CAPN2: variants seen among roughly 807,000 people sequenced by gnomAD.
CAPN2 encodes the protein calpain-2 catalytic subunit.
A neutral mutation model predicts 102.3 loss-of-function variants in CAPN2; 92 were observed. The ratio of observed to expected loss-of-function variants is 0.90; its 90% CI spans 0.76 to 1.07. The LOEUF (loss-of-function observed/expected upper bound fraction) is 1.07. CAPN2 is among the 50% of genes least tolerant of loss of function. The pLI, the probability that CAPN2 is intolerant of heterozygous loss-of-function variation, is 0.00. For missense variants in CAPN2, 800 were observed against 909.4 expected (o/e 0.88, Z 1.55); for synonymous variants, 340 against 355.4 (o/e 0.96, Z 0.49).
rs1297501639 is a variant in CAPN2, at chr1:223,725,656, A to G, written c.307+7825A>G. Among the ~76,000 whole-genome samples the G allele has an allele frequency of 6.6e-6, 1 of 152,162 alleles. No individual in the cohort carries two copies. Among genetic ancestry groups the G allele is most frequent in the East Asian group, 1.9e-4 (1 of 5,190 alleles). On this transcript the variant is annotated intron_variant, in intron 2 of 20. Transcript: ENST00000295006. This position sits in a 1 kb window ranked among gnomAD's most constrained non-coding sequence, Gnocchi z 4.1. ...GGCCACCTAAGTTTTGGAGAGGGGT[A>G]TGACAGAGGAGGTGGTGTCCCAGGG... is the stretch of plus-strand genomic sequence containing the variant.
chr1:223,733,099 C>T (rs1190402044), intron 2 of CAPN2, among the ~76,000 whole-genome samples: 1 of 152,152 alleles, frequency 6.6e-6, no homozygotes, highest in Admixed American at 6.5e-5. Context: ...CAGCACCAAC[C>T]TGCCCACACA....
chr1:223,765,797 G>A lies in CAPN2; in HGVS notation c.1691-570G>A, dbSNP rs28370145. Among the ~76,000 whole-genome samples, 340 of 152,266 alleles carry A rather than the reference G, an allele frequency of 2.2e-3. 8 individuals are homozygous for A. Among genetic ancestry groups the A allele is most frequent in the East Asian group, 0.013 (69 of 5,174 alleles). On this transcript the variant is annotated intron_variant, in intron 15 of 20. Transcript: ENST00000295006. Reference sequence around the variant, plus strand: ...ACATAACAAAAAGGCTGGGCTTTTCGTGAAGTCTGTGGGGAGCCAGGTTCA... The same window carrying A: ...ACATAACAAAAAGGCTGGGCTTTTCATGAAGTCTGTGGGGAGCCAGGTTCA...
At chr1:223,758,472 G>A (rs953170662) in intron 11 of CAPN2, 3 of 152,226 alleles carry the variant, frequency 2.0e-5, no homozygotes, top group African/African-American at 7.2e-5. Flanking sequence ...CCCCAGTCCT[G>A]TCTTTGCTTT....
chr1:223,755,620 A>G lies in CAPN2; in HGVS notation c.1276A>G (p.Met426Val). Residue 426 changes from methionine to valine, a missense_variant, in exon 10 of 21, where the codon ATG (methionine) becomes GTG (valine). Physicochemically the swap from Met to Val is conservative, Grantham distance 21. Coordinates refer to ENST00000295006, the MANE Select transcript of CAPN2 (RefSeq NM_001748.5). This position sits in a 1 kb window ranked among gnomAD's most constrained non-coding sequence, Gnocchi z 4.1. ...RRRQRKMGEDMHTIGFGIYEV... is the reference protein window; with the variant it reads ...RRRQRKMGEDVHTIGFGIYEV... ...GCGGCAGAGGAAGATGGGCGAGGAC[A>G]TGCACACCATCGGCTTTGGCATCTA... 6.2e-7 allele frequency: 1 copy of G among 1,607,770 alleles called. No homozygotes were observed. Among genetic ancestry groups the G allele is most frequent in the African/African-American group, 1.3e-5 (1 of 75,012 alleles).
rs1354119888 is a variant in CAPN2, at chr1:223,725,029, T to C, written c.307+7198T>C. Reference sequence around the variant, plus strand: ...CATCTGTAAATATCAGGGTAGCGAATGAGGACTTGGTGTCTGGCAGTTAGG... The same window carrying C: ...CATCTGTAAATATCAGGGTAGCGAACGAGGACTTGGTGTCTGGCAGTTAGG... On this transcript the variant is annotated intron_variant, in intron 2 of 20. Transcript: ENST00000295006. The surrounding 1 kb of genome is among the most constrained non-coding windows in gnomAD (Gnocchi z 4.1). 6.6e-6 allele frequency among the ~76,000 whole-genome samples: 1 copy of C among 152,206 alleles called. No homozygotes were observed. Among genetic ancestry groups the C allele is most frequent in the African/African-American group, 2.4e-5 (1 of 41,454 alleles).
In CAPN2 at chr1:223,759,382, TGCCGCCAGGAGAGTAC is replaced by T; in HGVS notation, c.1431_1446del (p.Pro478PhefsTer75). 1 of 1,614,216 alleles carries T rather than the reference TGCCGCCAGGAGAGTAC, an allele frequency of 6.2e-7. No individual in the cohort carries two copies. Among genetic ancestry groups the T allele is most frequent in the Non-Finnish European group, 8.5e-7 (1 of 1,180,034 alleles). On this transcript the variant is annotated frameshift_variant, in exon 12 of 21. Transcript: ENST00000295006. LOFTEE classifies it high-confidence loss of function. The surrounding 1 kb of genome is among the most constrained non-coding windows in gnomAD (Gnocchi z 4.6). ...CGGGAGGTGCTCAACCGCTTCAAGC[TGCCGCCAGGAGAGTAC>T]ATTCTCGTGCCTTCCACCTTCGAAC...
At chr1:223,749,249 T>C (rs952565489) in intron 6 of CAPN2, 127 bp downstream of exon 6, 1 of 761,696 alleles carries the variant, frequency 1.3e-6, no homozygotes, top group African/African-American at 1.8e-5. Context: ...GGCCCCGCAC[T>C]CCTGAAGTTC....
chr1:223,722,281 CTTTTTTT>C (rs34894876), intron 2 of CAPN2, among the ~76,000 whole-genome samples: 1 of 85,514 alleles, frequency 1.2e-5, no homozygotes, highest in Non-Finnish European at 2.2e-5. Context: ...TTCTTTCTTT[CTTTTTTT>C]TTTTTTTTTT....
intron 1 of CAPN2, among the ~76,000 whole-genome samples, chr1:223,704,281 ACT>A (rs1451735300): frequency 6.6e-6 from 1 of 152,084 alleles, no homozygotes; most frequent in Non-Finnish European, 1.5e-5. Context: ...ACAGAGCAAG[ACT>A]CTATCTCAAA....
chr1:223,712,101 C>T (rs1426811061), upstream of CAPN2, among the ~76,000 whole-genome samples: 1 of 152,218 alleles, frequency 6.6e-6, no homozygotes, highest in Admixed American at 6.5e-5. Context: ...GCGCCTTCTT[C>T]AGAGTCGCTG....
intron 2 of CAPN2, among the ~76,000 whole-genome samples, chr1:223,733,887 C>T (rs553401036): frequency 6.6e-6 from 1 of 152,330 alleles, no homozygotes; most frequent in East Asian, 1.9e-4. Flanking sequence ...CAGGAATGCT[C>T]ATCTGCCATA....
intron 2 of CAPN2, among the ~76,000 whole-genome samples, chr1:223,740,711 A>T (rs1319717451): frequency 6.6e-6 from 1 of 152,176 alleles, no homozygotes; most frequent in Non-Finnish European, 1.5e-5. Context: ...TGGCTAGCAG[A>T]TATTTAAGAA....
intron 2 of CAPN2, among the ~76,000 whole-genome samples, chr1:223,739,564 T>A (rs1187805475): frequency 6.6e-6 from 1 of 151,428 alleles, no homozygotes; most frequent in Non-Finnish European, 1.5e-5. Context: ...AAGGCAGGAG[T>A]TTTGCTTGTG....
intron 1 of CAPN2, among the ~76,000 whole-genome samples, chr1:223,714,055 G>GT (rs1659809128): frequency 6.6e-6 from 1 of 152,166 alleles, no homozygotes; most frequent in Admixed American, 6.5e-5. Context: ...TACCTGGAGT[G>GT]TGGCTCACTC....
At chr1:223,747,872 C>T (rs1260218173) in intron 5 of CAPN2, among the ~76,000 whole-genome samples, 3 of 152,164 alleles carry the variant, frequency 2.0e-5, no homozygotes, top group Admixed American at 1.3e-4. Flanking sequence ...CTGAGCACCC[C>T]AGTGTCTACC....
At position 223,747,092 on chromosome 1, in the gene CAPN2, A is replaced by G. The variant is rs147824152; in HGVS notation, c.656A>G (p.Lys219Arg). The G allele has an allele frequency of 1.7e-4, 275 of 1,614,090 alleles. No individual in the cohort carries two copies. The African/African-American group carries it at 3.4e-3, about 20-fold the overall frequency. The change falls in exon 5 of 21, where the codon AAG becomes AGG. Residue 219 changes from lysine to arginine, a missense_variant. Lys to Arg is a conservative substitution (Grantham distance 26). Coordinates refer to ENST00000295006, the MANE Select transcript of CAPN2 (RefSeq NM_001748.5). The part of the protein sequence containing the change: ...GGIAEWYELK[K>R]PPPNLFKIIQ... ...ATTGCTGAGTGGTATGAGTTGAAGA[A>G]GCCCCCTCCCAACCTGTTCAAGATC... is the stretch of plus-strand genomic sequence containing the variant.
chr1:223,702,083 G>GAAGGAAGGAAGAA (rs1571769977), intron 1 of CAPN2, among the ~76,000 whole-genome samples: 2 of 20,424 alleles, frequency 9.8e-5, no homozygotes, highest in South Asian at 9.1e-3. Context: ...GGGAGGGAGG[G>GAAGGAAGGAAGAA]AGGGAGGGAG....
At position 223,772,220 on chromosome 1, in the gene CAPN2, T is replaced by C. The variant is rs774609056; in HGVS notation, c.2060T>C (p.Ile687Thr). The change falls in exon 20 of 21, where the codon ATA becomes ACA. Residue 687 changes from isoleucine (I) to threonine (T), a missense_variant. Ile to Thr is a moderately conservative substitution (Grantham distance 89, BLOSUM62 -1). Coordinates refer to ENST00000295006, the MANE Select transcript of CAPN2 (RefSeq NM_001748.5). The part of the protein sequence containing the change: ...KQLDPENTGT[I>T]ELDLISWLCF... ...CTGGATCCCGAGAATACTGGAACAA[T>C]AGAGCTCGACCTTATCTCTGTGAGT... is the stretch of plus-strand genomic sequence containing the variant. 1.2e-5 allele frequency: 20 copies of C among 1,613,980 alleles called. No individual in the cohort carries two copies. In the South Asian group the frequency reaches 1.5e-4, roughly 12 times the overall value.
At chr1:223,767,525 T>C (rs1430238901) in intron 16 of CAPN2, among the ~76,000 whole-genome samples, 2 of 151,298 alleles carry the variant, frequency 1.3e-5, no homozygotes, top group African/African-American at 4.9e-5. Context: ...GAACTCATCA[T>C]TTTTTATGGC....
Sources: allele counts gnomAD v4.1 joint callset (sites outside exome capture counted in the v4.1 genomes callset), GRCh38; gene constraint gnomAD v4.1.1; non-coding constraint Gnocchi (gnomAD v3.1); transcripts MANE v1.5; gene names NCBI Gene and HGNC (gene_info 2026-07-23, HGNC 2026-07-21).